The following ROPN1L variants were observed in gnomAD, a reference collection of about 807,000 sequenced individuals.
ROPN1L encodes rhophilin associated tail protein 1 like, also known as ropporin-1-like protein.
ROPN1L carries 23 observed loss-of-function variants against 22.7 expected under a neutral mutation model. That is an observed-to-expected ratio of 1.01 (90% CI 0.73 to 1.43). The LOEUF (loss-of-function observed/expected upper bound fraction) is 1.43. Among genes scored for constraint, ROPN1L ranks in the 40% most tolerant of loss-of-function variants. The pLI is 0.00. For missense variants in ROPN1L, 271 were observed against 291.5 expected, an observed-to-expected ratio of 0.93 and a Z score of 0.51; for synonymous variants, 116 against 117.8, an observed-to-expected ratio of 0.98 and a Z score of 0.10.
At chr5:10,458,319 C>T (rs1734891934) in intron 3 of ROPN1L, among the ~76,000 whole-genome samples, 1 of 151,938 alleles carries the variant, frequency 6.6e-6, no homozygotes, top group African/African-American at 2.4e-5. Flanking sequence ...CTCATCTCCC[C>T]AGCTCTTGGT....
chr5:10,463,945 C>T (rs1340224072), intron 4 of ROPN1L, among the ~76,000 whole-genome samples: 3 of 152,172 alleles, frequency 2.0e-5, no homozygotes, highest in Non-Finnish European at 4.4e-5. Flanking sequence ...GTCTTGTCCC[C>T]TCCTCCCACC....
chr5:10,478,994 G>T, the ROPN1L span, among the ~76,000 whole-genome samples: 1 of 152,240 alleles, frequency 6.6e-6, no homozygotes, highest in African/African-American at 2.4e-5. Flanking sequence ...CCACACAGAA[G>T]GATTAGGAAG....
At chr5:10,458,561 ATG>A (rs1561174318) in intron 3 of ROPN1L, among the ~76,000 whole-genome samples, 27 of 21,304 alleles carry the variant, frequency 1.3e-3, no homozygotes, top group African/African-American at 5.1e-3. Flanking sequence ...CATCCCCCCC[ATG>A]TACACCATCC....
chr5:10,469,663 A>G (rs1333327079), downstream of ROPN1L, among the ~76,000 whole-genome samples: 1 of 152,198 alleles, frequency 6.6e-6, no homozygotes, highest in African/African-American at 2.4e-5. Context: ...TGTCCCATTG[A>G]AATATGTGTC....
chr5:10,451,825 C>T (rs1384119135), intron 3 of ROPN1L, among the ~76,000 whole-genome samples: 1 of 152,342 alleles, frequency 6.6e-6, no homozygotes, highest in East Asian at 1.9e-4. Context: ...GTGCAGATGG[C>T]ACCAGGGGAG....
chr5:10,462,093 C>T (rs1735043222), intron 4 of ROPN1L, among the ~76,000 whole-genome samples: 1 of 152,194 alleles, frequency 6.6e-6, no homozygotes, highest in African/African-American at 2.4e-5. Flanking sequence ...GCCCCTCTCC[C>T]CACCTCCAAG....
At chr5:10,479,651 C>G in the ROPN1L span, among the ~76,000 whole-genome samples, 1 of 152,194 alleles carries the variant, frequency 6.6e-6, no homozygotes, top group African/African-American at 2.4e-5. Flanking sequence ...TTCCTGGGCA[C>G]TGTGGGAGAG....
At position 10,464,873 on chromosome 5, in the gene ROPN1L, G is replaced by T; in HGVS notation, c.619G>T (p.Gly207Cys). The T allele has an allele frequency of 6.2e-7, 1 of 1,604,218 alleles. No individual in the cohort carries two copies. Among genetic ancestry groups the T allele is most frequent in the Non-Finnish European group, 8.5e-7 (1 of 1,176,326 alleles). Residue 207 changes from glycine to cysteine, a missense_variant, in exon 5 of 5, where the codon GGT (glycine) becomes TGT (cysteine). Physicochemically the swap from Gly to Cys is radical, Grantham distance 159. Coordinates refer to ENST00000274134, the MANE Select transcript of ROPN1L (RefSeq NM_031916.5). The stretch of plus-strand genomic sequence containing the variant: ...AGACGCCAGGAAGAACGGCATGATA[G>T]GTCTTTCAGATTTCTTCTTTCCAAA... Reference protein sequence around the residue: ...NIDARKNGMIGLSDFFFPKRK... With the variant: ...NIDARKNGMICLSDFFFPKRK...
intron 1 of ROPN1L, among the ~76,000 whole-genome samples, chr5:10,446,031 G>A (rs531708431): frequency 2.0e-4 from 31 of 152,350 alleles, no homozygotes; most frequent in African/African-American, 6.7e-4. Flanking sequence ...TATCAAAGAT[G>A]AGCCAGCCTC....
chr5:10,448,207 A>G (rs772223308), intron 1 of ROPN1L, 53 bp from the exon 2 acceptor site: 2 of 1,607,070 alleles, frequency 1.2e-6, no homozygotes, highest in Non-Finnish European at 1.7e-6. Context: ...ATTGGATCGC[A>G]TAGCTGTTTT....
chr5:10,479,062 T>C, the ROPN1L span, among the ~76,000 whole-genome samples: 10 of 152,242 alleles, frequency 6.6e-5, no homozygotes, highest in Admixed American at 1.3e-4. Flanking sequence ...TTTTCATGAT[T>C]ATCCTGGTGT....
At chr5:10,468,871 T>C (rs1735199479), downstream of ROPN1L, among the ~76,000 whole-genome samples, 1 of 152,172 alleles carries the variant, frequency 6.6e-6, no homozygotes. Context: ...AAAATAAACT[T>C]TGGGCTGGGC....
intron 3 of ROPN1L, among the ~76,000 whole-genome samples, chr5:10,452,558 G>A (rs1470393059): frequency 6.6e-6 from 1 of 151,486 alleles, no homozygotes; most frequent in Non-Finnish European, 1.5e-5. Context: ...GGCTGATCTT[G>A]TACTCCTGAC....
intron 4 of ROPN1L, among the ~76,000 whole-genome samples, chr5:10,462,411 C>G (rs762402903): frequency 2.6e-5 from 4 of 152,214 alleles, no homozygotes; most frequent in Non-Finnish European, 5.9e-5. Flanking sequence ...AGGCCATCAG[C>G]GAAAGCAAGC....
At chr5:10,459,297 C>T (rs906478193) in intron 3 of ROPN1L, among the ~76,000 whole-genome samples, 3 of 151,436 alleles carry the variant, frequency 2.0e-5, no homozygotes, top group African/African-American at 7.3e-5. Flanking sequence ...TTCCCGCCTT[C>T]CACCCTCCTC....
chr5:10,459,946 G>A (rs779209964), intron 3 of ROPN1L, among the ~76,000 whole-genome samples: 1 of 152,172 alleles, frequency 6.6e-6, no homozygotes, highest in African/African-American at 2.4e-5. Flanking sequence ...GTGTGTTGGC[G>A]AGGGGGGTTA....
At chr5:10,467,604 C>T (rs145615341), downstream of ROPN1L, among the ~76,000 whole-genome samples, 3,196 of 152,288 alleles carry the variant, frequency 0.021, 56 homozygotes, top group Non-Finnish European at 0.031. Flanking sequence ...CTTATGGTCT[C>T]GTGCTCAGTA....
At chr5:10,443,545 C>T (rs1740952561) in intron 1 of ROPN1L, among the ~76,000 whole-genome samples, 2 of 151,864 alleles carry the variant, frequency 1.3e-5, no homozygotes, top group Admixed American at 6.5e-5. Context: ...TGGCGTGAAC[C>T]CGGGAAGCGG....
At chr5:10,448,848 C>T (rs1230610780) in intron 2 of ROPN1L, among the ~76,000 whole-genome samples, 1 of 152,232 alleles carries the variant, frequency 6.6e-6, no homozygotes, top group Admixed American at 6.5e-5. Flanking sequence ...GTGTCCAGTG[C>T]TGTGGAGAGC....
Sources: allele counts gnomAD v4.1 joint callset (sites outside exome capture counted in the v4.1 genomes callset), GRCh38; gene constraint gnomAD v4.1.1; transcripts MANE v1.5; gene names NCBI Gene and HGNC (gene_info 2026-07-23, HGNC 2026-07-21).